Variants in USH2A observed in about 807,000 individuals in gnomAD.
USH2A encodes the protein usherin.
In USH2A, 443 loss-of-function variants were observed where a neutral mutation model predicts 538.9. The ratio of observed to expected loss-of-function variants is 0.82; its 90% CI spans 0.76 to 0.89. The LOEUF (loss-of-function observed/expected upper bound fraction) is 0.89, where lower values mean the gene tolerates loss of function less well. Ranked by LOEUF, USH2A falls within the 40% of genes least tolerant of loss-of-function variation. USH2A has a pLI of 0.00. For missense variants in USH2A, 6,633 were observed against 6,324.8 expected, an observed-to-expected ratio of 1.05 and a Z score of -1.65; for synonymous variants, 2,413 against 2,273.5, an observed-to-expected ratio of 1.06 and a Z score of -1.75.
chr1:216,101,652 G>A (rs2032581890), intron 21 of USH2A, among the ~76,000 whole-genome samples: 1 of 152,198 alleles, frequency 6.6e-6, no homozygotes, highest in Non-Finnish European at 1.5e-5. Context: ...TGACTAAAAT[G>A]GGCAGACAAG....
At chr1:216,255,742 C>T (rs943566070) in intron 11 of USH2A, among the ~76,000 whole-genome samples, 3 of 152,062 alleles carry the variant, frequency 2.0e-5, no homozygotes, top group Non-Finnish European at 2.9e-5. Context: ...GCCATTGGGT[C>T]AAGTTGGTTG....
chr1:216,175,765 C>T (rs111346960), intron 20 of USH2A, among the ~76,000 whole-genome samples: 6 of 152,206 alleles, frequency 3.9e-5, no homozygotes, highest in African/African-American at 1.4e-4. Context: ...AATAATAGAT[C>T]TTATATATTA....
intron 15 of USH2A, among the ~76,000 whole-genome samples, chr1:216,213,741 T>C (rs1558321502): frequency 6.6e-6 from 1 of 151,846 alleles, no homozygotes; most frequent in East Asian, 1.9e-4. Context: ...TAAATTGACT[T>C]CATGAAAAGT....
chr1:216,231,262 A>ATATATATAT (rs1173674681), intron 14 of USH2A, among the ~76,000 whole-genome samples: 1,799 of 107,424 alleles, frequency 0.017, 1 homozygote, highest in South Asian at 0.025. Context: ...TATATATAAT[A>ATATATATAT]TATATATATA....
intron 3 of USH2A, among the ~76,000 whole-genome samples, chr1:216,382,372 A>T (rs900834199): frequency 1.3e-5 from 2 of 152,204 alleles, no homozygotes; most frequent in East Asian, 3.9e-4. Context: ...GGTAAAGAAC[A>T]TGTGCAGTTG....
chr1:216,007,181 GC>G (rs1236769411), intron 32 of USH2A, among the ~76,000 whole-genome samples: 1 of 152,150 alleles, frequency 6.6e-6, no homozygotes, highest in Non-Finnish European at 1.5e-5. Flanking sequence ...CCAGCCACAT[GC>G]AACTGTAAGT....
chr1:215,791,949 G>A lies in USH2A; in HGVS notation c.9959-1667C>T, dbSNP rs115399705. Among the ~76,000 whole-genome samples the A allele has an allele frequency of 9.3e-3, 1,407 of 152,086 alleles. 22 individuals carry two copies. The highest frequency in any genetic ancestry group is 0.032 in the African/African-American group (1,323 of 41,468). On this transcript the variant is annotated intron_variant, in intron 50 of 71. Transcript: ENST00000307340. The stretch of plus-strand genomic sequence containing the variant: ...CGTAGCTTCAAGTTTTATATTGTTC[G>A]GGCATTTTTCTGCCCCTTCTGATTA...
intron 3 of USH2A, among the ~76,000 whole-genome samples, chr1:216,409,811 A>G (rs1428120902): frequency 6.6e-6 from 1 of 152,242 alleles, no homozygotes; most frequent in East Asian, 1.9e-4. Flanking sequence ...TGGACATAGG[A>G]AATAGGAACA....
At chr1:216,276,100 G>A (rs887738835) in intron 11 of USH2A, among the ~76,000 whole-genome samples, 4 of 152,136 alleles carry the variant, frequency 2.6e-5, no homozygotes, top group African/African-American at 4.8e-5. Flanking sequence ...TATTACTTGT[G>A]TGATATTGGA....
At chr1:216,012,373 GA>G (rs1480138528) in intron 32 of USH2A, among the ~76,000 whole-genome samples, 1 of 151,954 alleles carries the variant, frequency 6.6e-6, no homozygotes, top group East Asian at 1.9e-4. Flanking sequence ...CCCCACCCAG[GA>G]CTGGCAAATT....
At chr1:216,135,780 A>G (rs2033474582) in intron 21 of USH2A, among the ~76,000 whole-genome samples, 1 of 152,140 alleles carries the variant, frequency 6.6e-6, no homozygotes. Context: ...GTTAAGCCTT[A>G]ACAATATAAG....
intron 13 of USH2A, among the ~76,000 whole-genome samples, chr1:216,234,360 T>C (rs984677861): frequency 6.6e-6 from 1 of 152,174 alleles, no homozygotes; most frequent in South Asian, 2.1e-4. Flanking sequence ...ACTAATACTA[T>C]CATTTTTATC....
intron 30 of USH2A, among the ~76,000 whole-genome samples, chr1:216,066,960 C>T (rs1488524028): frequency 6.6e-6 from 1 of 152,140 alleles, no homozygotes; most frequent in African/African-American, 2.4e-5. Flanking sequence ...TATTCCACTG[C>T]TAGGGATTTA....
At chr1:215,853,807 AT>A (rs1571749755) in intron 44 of USH2A, among the ~76,000 whole-genome samples, 1 of 152,124 alleles carries the variant, frequency 6.6e-6, no homozygotes, top group East Asian at 1.9e-4. Flanking sequence ...TTCCCAACAA[AT>A]TCCTCATCTC....
intron 21 of USH2A, among the ~76,000 whole-genome samples, chr1:216,125,792 A>G (rs2033239883): frequency 1.3e-5 from 2 of 152,198 alleles, no homozygotes; most frequent in African/African-American, 4.8e-5. Flanking sequence ...ATAAATCACT[A>G]CACATTTCTT....
intron 21 of USH2A, among the ~76,000 whole-genome samples, chr1:216,136,523 C>A (rs899865968): frequency 2.2e-4 from 34 of 152,034 alleles, no homozygotes; most frequent in African/African-American, 8.2e-4. Context: ...CAGATTGATT[C>A]TTTACTTTCT....
chr1:215,834,859 A>G (rs1047368830), intron 47 of USH2A, among the ~76,000 whole-genome samples: 7 of 148,470 alleles, frequency 4.7e-5, no homozygotes, highest in African/African-American at 1.2e-4. Context: ...GATACTCTCT[A>G]TTGTTTTTTC....
intron 15 of USH2A, among the ~76,000 whole-genome samples, chr1:216,210,726 C>T (rs1164785308): frequency 6.6e-6 from 1 of 151,982 alleles, no homozygotes; most frequent in Non-Finnish European, 1.5e-5. Flanking sequence ...CATGCCTATC[C>T]AATGAAGTTG....
chr1:216,325,445 A>G lies in USH2A; in HGVS notation c.1003T>C (p.Leu335=). The G allele has an allele frequency of 6.2e-7, 1 of 1,613,912 alleles. No homozygotes were observed. The highest frequency in any genetic ancestry group is 8.5e-7 in the Non-Finnish European group (1 of 1,179,926). The stretch of plus-strand genomic sequence containing the variant: ...GAGAGAGGATGGGCTTCAGGATTCA[A>G]CCGTGACACTCTATTATCAGCTGTG... ...GDTADNRVSR[L]NPEAHPLSFV... The change falls in exon 6 of 72, where the codon TTG becomes CTG. Residue 335 remains leucine, a synonymous_variant. Transcript: ENST00000307340.
Sources: gnomAD v4.1 joint callset for allele counts (sites outside exome capture counted in the v4.1 genomes callset) on GRCh38, gnomAD v4.1.1 for gene constraint, MANE v1.5 for transcripts, NCBI Gene and HGNC (gene_info 2026-07-23, HGNC 2026-07-21) for gene names.